PRKCZ: variants seen among roughly 807,000 people sequenced by gnomAD.
PRKCZ encodes the protein protein kinase C zeta.
PRKCZ carries 33 observed loss-of-function variants against 79.5 expected under a neutral mutation model. The observed-to-expected ratio is 0.41, with a 90% CI of 0.31 to 0.55. PRKCZ has a LOEUF of 0.55. Ranked by LOEUF, PRKCZ falls within the 20% of genes least tolerant of loss-of-function variation. PRKCZ has a pLI of 0.19. For missense variants in PRKCZ, 578 were observed against 813.5 expected, an observed-to-expected ratio of 0.71 and a Z score of 3.52; for synonymous variants, 342 against 320.9, an observed-to-expected ratio of 1.07 and a Z score of -0.70.
rs924330713 is a variant in PRKCZ, at chr1:2,127,038, C to T, written c.335-8224C>T. ...CTTGGCTCCCTGTTCGCCCGACTGGCGCCTCGGCTGTGCCTCTTCTGTCTC... is the reference window on the plus strand; with the variant it reads ...CTTGGCTCCCTGTTCGCCCGACTGGTGCCTCGGCTGTGCCTCTTCTGTCTC... On this transcript the variant is annotated intron_variant, in intron 4 of 17. Coordinates refer to ENST00000378567, the MANE Select transcript of PRKCZ (RefSeq NM_002744.6). The surrounding 1 kb of genome is among the most constrained non-coding windows in gnomAD (Gnocchi z 5.1). Among the ~76,000 whole-genome samples, 8 of 152,204 alleles carry T rather than the reference C, an allele frequency of 5.3e-5. No homozygotes were observed. Among genetic ancestry groups the T allele is most frequent in the Admixed American group, 3.3e-4 (5 of 15,290 alleles).
intron 9 of PRKCZ, among the ~76,000 whole-genome samples, chr1:2,151,409 C>T (rs936466900): frequency 2.0e-5 from 3 of 152,242 alleles, no homozygotes; most frequent in South Asian, 2.1e-4. Context: ...ACCACTGATA[C>T]GTTGCCTTCC....
At chr1:2,092,122 TACTCCGGCCATGCCAGCCGCCCCCTTG>T (rs1665625757) in intron 4 of PRKCZ, among the ~76,000 whole-genome samples, 1 of 152,158 alleles carries the variant, frequency 6.6e-6, no homozygotes, top group Admixed American at 6.5e-5. Context: ...CTCCCCTAGA[TACTCCGGCCATGCCAGCCGCCCCCTTG>T]GCTCCGGCCC....
chr1:2,088,589 A>T (rs1215191808), intron 4 of PRKCZ, among the ~76,000 whole-genome samples: 1 of 152,240 alleles, frequency 6.6e-6, no homozygotes, highest in Non-Finnish European at 1.5e-5. Context: ...CCCGGGCTCC[A>T]GGATGAGCCC....
chr1:2,119,242 G>T (rs1463622175), intron 4 of PRKCZ, among the ~76,000 whole-genome samples: 4 of 126,972 alleles, frequency 3.2e-5, no homozygotes, highest in Non-Finnish European at 4.8e-5. Flanking sequence ...GAGATGGAGT[G>T]TCACTCTTGT....
intron 4 of PRKCZ, among the ~76,000 whole-genome samples, chr1:2,121,558 CTAT>C: frequency 5.3e-3 from 45 of 8,524 alleles, no homozygotes; most frequent in Admixed American, 7.1e-3. Context: ...GTAGTTAGGG[CTAT>C]GGCTGTAGTT....
At position 2,107,326 on chromosome 1, in the gene PRKCZ, C is replaced by G. The variant is rs545820039; in HGVS notation, c.335-27936C>G. On this transcript the variant is annotated intron_variant, in intron 4 of 17. Transcript: ENST00000378567. ...CGTCCTCCCTCTCCTGAGGCAGGTC[C>G]TGCTCCAGACCTGCTTTTTTCCCGC... Among the ~76,000 whole-genome samples, 19 of 152,356 alleles carry G rather than the reference C, an allele frequency of 1.2e-4. 1 individual carries two copies. The South Asian group carries it at 2.7e-3, about 22-fold the overall frequency.
At chr1:2,096,876 C>G (rs1571340735) in intron 4 of PRKCZ, among the ~76,000 whole-genome samples, 1 of 152,210 alleles carries the variant, frequency 6.6e-6, no homozygotes, top group African/African-American at 2.4e-5. Flanking sequence ...GGGGAGGACT[C>G]AGGACGAGGC....
chr1:2,165,414 C>T lies in PRKCZ; in HGVS notation c.975-4104C>T, dbSNP rs1452844432. On this transcript the variant is annotated intron_variant, in intron 10 of 17. Coordinates refer to ENST00000378567, the MANE Select transcript of PRKCZ (RefSeq NM_002744.6). This position sits in a 1 kb window ranked among gnomAD's most constrained non-coding sequence, Gnocchi z 4.1. ...AGCTGTGTGAGCCGGAGAACGTCCC[C>T]TAACCTGTCTGTGCCTCGGCTTCCC... Among the ~76,000 whole-genome samples the T allele has an allele frequency of 6.6e-6, 1 of 152,172 alleles. No homozygotes were observed. The highest frequency in any genetic ancestry group is 1.5e-5 in the Non-Finnish European group (1 of 68,036).
chr1:2,145,908 G>A, intron 6 of PRKCZ, 119 bp from the exon 7 acceptor site: 1 of 806,596 alleles, frequency 1.2e-6, no homozygotes, highest in Non-Finnish European at 2.0e-6. Context: ...GACAGACTGT[G>A]ACCCTGTCTG....
chr1:2,099,236 A>G (rs537861758), intron 4 of PRKCZ, among the ~76,000 whole-genome samples: 1 of 152,308 alleles, frequency 6.6e-6, no homozygotes, highest in African/African-American at 2.4e-5. Flanking sequence ...AAATTAGGGA[A>G]TAAATGGGAA....
At chr1:2,091,863 T>C (rs1210384431) in intron 4 of PRKCZ, among the ~76,000 whole-genome samples, 3 of 152,228 alleles carry the variant, frequency 2.0e-5, no homozygotes, top group Admixed American at 6.5e-5. Flanking sequence ...GCGTCCTGTG[T>C]TGGGGCCACG....
intron 4 of PRKCZ, among the ~76,000 whole-genome samples, chr1:2,108,730 G>GT (rs1669106097): frequency 1.3e-5 from 2 of 152,318 alleles, no homozygotes; most frequent in Admixed American, 1.3e-4. Context: ...ACCACCCCCT[G>GT]CCTGTCCGTC....
At chr1:2,181,353 T>C (rs1686575734) in intron 16 of PRKCZ, among the ~76,000 whole-genome samples, 1 of 152,208 alleles carries the variant, frequency 6.6e-6, no homozygotes, top group South Asian at 2.1e-4. Context: ...CCCAGCCCCA[T>C]TGACACGGAA....
At chr1:2,114,810 C>G (rs552586682) in intron 4 of PRKCZ, among the ~76,000 whole-genome samples, 1 of 152,310 alleles carries the variant, frequency 6.6e-6, no homozygotes, top group South Asian at 2.1e-4. Context: ...AGCTAAGATG[C>G]AGCAGGTGGA....
intron 9 of PRKCZ, among the ~76,000 whole-genome samples, chr1:2,152,482 A>T (rs2103242998): frequency 6.6e-6 from 1 of 152,362 alleles, no homozygotes; most frequent in Middle Eastern, 3.4e-3. Flanking sequence ...CAGTGAGCCG[A>T]GATCACGCTA....
At chr1:2,074,265 G>A (rs1488475196) in intron 4 of PRKCZ, 14 of 1,549,664 alleles carry the variant, frequency 9.0e-6, no homozygotes, top group Non-Finnish European at 1.1e-5. Context: ...TGCTCACCCC[G>A]AGGACGGATG....
At chr1:2,090,659 G>T (rs2459992) in intron 4 of PRKCZ, among the ~76,000 whole-genome samples, 1 of 152,094 alleles carries the variant, frequency 6.6e-6, no homozygotes, top group East Asian at 1.9e-4. Flanking sequence ...CCACAGCCGC[G>T]TGCCCCTCCT....
chr1:2,107,923 C>T (rs901249922), intron 4 of PRKCZ, among the ~76,000 whole-genome samples: 5 of 149,614 alleles, frequency 3.3e-5, no homozygotes, highest in African/African-American at 1.3e-4. Context: ...GGGAGCCCCC[C>T]AACCCCGGCA....
chr1:2,099,172 C>T (rs905883849), intron 4 of PRKCZ, among the ~76,000 whole-genome samples: 2 of 152,192 alleles, frequency 1.3e-5, no homozygotes, highest in Non-Finnish European at 2.9e-5. Flanking sequence ...GGCACTCCTT[C>T]ATCACCATCA....
Sources: gnomAD v4.1 joint callset for allele counts (sites outside exome capture counted in the v4.1 genomes callset) on GRCh38, gnomAD v4.1.1 for gene constraint, Gnocchi (gnomAD v3.1) non-coding constraint, MANE v1.5 for transcripts, NCBI Gene and HGNC (gene_info 2026-07-23, HGNC 2026-07-21) for gene names.